Variants in UBE2E2 observed in about 807,000 individuals in gnomAD.
The protein encoded by UBE2E2 is ubiquitin-conjugating enzyme E2 E2.
A neutral mutation model predicts 24.7 loss-of-function variants in UBE2E2; 6 were observed. That is an observed-to-expected ratio of 0.24 (90% CI 0.13 to 0.48). UBE2E2 has a LOEUF of 0.48. Ranked by LOEUF, UBE2E2 falls within the 20% of genes least tolerant of loss-of-function variation. The pLI is 0.99. For missense variants in UBE2E2, 169 were observed against 245.0 expected (o/e 0.69, Z 2.07); for synonymous variants, 104 against 83.6 (o/e 1.24, Z -1.33).
intron 3 of UBE2E2, among the ~76,000 whole-genome samples, chr3:23,363,723 C>G (rs1559362405): frequency 6.6e-6 from 1 of 152,100 alleles, no homozygotes; most frequent in East Asian, 1.9e-4. Flanking sequence ...CCCACTGACA[C>G]TATTAGAAGA....
rs1697322225 is a variant in UBE2E2, at chr3:23,405,084, G to GA, written c.228-94519dup. ...CTGCTGCTGTAATCAGTGAATTTTTGAAAAATACAGCAACAGTTTGCTGTA... is the reference window on the plus strand; with the variant it reads ...CTGCTGCTGTAATCAGTGAATTTTTGAAAAAATACAGCAACAGTTTGCTGTA... On this transcript the variant is annotated intron_variant, in intron 3 of 5. Transcript: ENST00000396703. 2.0e-5 allele frequency among the ~76,000 whole-genome samples: 3 copies of GA among 152,190 alleles called. No individual in the cohort carries two copies. In the South Asian group the frequency reaches 6.2e-4, roughly 32 times the overall value.
rs1217349382 is a variant in UBE2E2, at chr3:23,400,370, A to G, written c.228-99238A>G. On this transcript the variant is annotated intron_variant, in intron 3 of 5. Coordinates refer to ENST00000396703, the MANE Select transcript of UBE2E2 (RefSeq NM_152653.4). ...TTCTGTTTTGAGTTGGGGTCTTTCT[A>G]TGTTGGTCAGGCTGCTCTTGAACTC... 4.6e-5 allele frequency among the ~76,000 whole-genome samples: 7 copies of G among 152,048 alleles called. No individual in the cohort carries two copies. The South Asian group carries it at 1.0e-3, about 23-fold the overall frequency.
chr3:23,497,534 T>C (rs946172421), intron 3 of UBE2E2, among the ~76,000 whole-genome samples: 1 of 152,204 alleles, frequency 6.6e-6, no homozygotes, highest in African/African-American at 2.4e-5. Flanking sequence ...TTTAATACTC[T>C]ATGTTTGTGT....
intron 3 of UBE2E2, among the ~76,000 whole-genome samples, chr3:23,389,115 G>C (rs931532963): frequency 2.0e-5 from 3 of 152,184 alleles, no homozygotes; most frequent in African/African-American, 7.2e-5. Flanking sequence ...GGCAGTGGCA[G>C]GACTGATATG....
In UBE2E2 at chr3:23,480,759, T is replaced by G. The variant is rs577237492; in HGVS notation, c.228-18849T>G. Among the ~76,000 whole-genome samples, 3 of 152,336 alleles carry G rather than the reference T, an allele frequency of 2.0e-5. No homozygotes were observed. The East Asian group carries it at 5.8e-4, about 29-fold the overall frequency. ...GATTTCTACCTTCCTAACTTTCCAG[T>G]AACTGAAGGGCATTGACAAAATGGT... On this transcript the variant is annotated intron_variant, in intron 3 of 5. Transcript: ENST00000396703.
chr3:23,529,659 GTTAA>G (rs980934432), intron 4 of UBE2E2, among the ~76,000 whole-genome samples: 16 of 151,986 alleles, frequency 1.1e-4, no homozygotes, highest in African/African-American at 2.9e-4. Flanking sequence ...TGTTTTGAGG[GTTAA>G]TTATCAATAT....
intron 3 of UBE2E2, among the ~76,000 whole-genome samples, chr3:23,350,968 G>A (rs906935182): frequency 6.6e-6 from 1 of 152,174 alleles, no homozygotes; most frequent in African/African-American, 2.4e-5. Context: ...AGGAAAAAAT[G>A]TTAAGGGCAG....
chr3:23,401,310 A>C (rs1697216070), intron 3 of UBE2E2, among the ~76,000 whole-genome samples: 1 of 152,230 alleles, frequency 6.6e-6, no homozygotes, highest in Non-Finnish European at 1.5e-5. Context: ...GGATGAAAAG[A>C]AAACAAGAAT....
At chr3:23,223,812 A>AT (rs561434430) in intron 3 of UBE2E2, among the ~76,000 whole-genome samples, 17 of 151,814 alleles carry the variant, frequency 1.1e-4, no homozygotes, top group African/African-American at 2.7e-4. Context: ...TTTTGGTTTG[A>AT]TTTTTTTTGT....
chr3:23,546,100 A>G (rs1259073976), intron 5 of UBE2E2, among the ~76,000 whole-genome samples: 2 of 152,220 alleles, frequency 1.3e-5, no homozygotes, highest in Non-Finnish European at 2.9e-5. Context: ...AGACTTTACC[A>G]CTATACAGTT....
intron 3 of UBE2E2, among the ~76,000 whole-genome samples, chr3:23,273,438 G>A (rs1174713005): frequency 4.0e-5 from 6 of 151,308 alleles, no homozygotes; most frequent in Admixed American, 3.9e-4. Flanking sequence ...GGCTGAGGCA[G>A]GAGAATGGTG....
intron 3 of UBE2E2, among the ~76,000 whole-genome samples, chr3:23,348,196 A>G (rs989367034): frequency 7.2e-5 from 11 of 152,188 alleles, no homozygotes; most frequent in African/African-American, 2.2e-4. Context: ...ACCAGTCACT[A>G]TGTTCAATTG....
intron 3 of UBE2E2, among the ~76,000 whole-genome samples, chr3:23,260,929 C>T (rs1167508346): frequency 1.3e-5 from 2 of 152,006 alleles, no homozygotes; most frequent in Non-Finnish European, 2.9e-5. Context: ...CGTGGCAAAA[C>T]GCTGTCTCTA....
intron 5 of UBE2E2, among the ~76,000 whole-genome samples, chr3:23,574,094 A>C (rs1322754394): frequency 6.6e-6 from 1 of 152,202 alleles, no homozygotes; most frequent in Non-Finnish European, 1.5e-5. Flanking sequence ...GCTGGAGGTC[A>C]TTATGTTAAG....
chr3:23,398,507 TGTG>T (rs768806790), intron 3 of UBE2E2, among the ~76,000 whole-genome samples: 28 of 152,080 alleles, frequency 1.8e-4, no homozygotes, highest in Admixed American at 1.0e-3. Flanking sequence ...AGTGATAACT[TGTG>T]GTGGGAAAAG....
chr3:23,226,142 G>C (rs1440033269), intron 3 of UBE2E2, among the ~76,000 whole-genome samples: 1 of 152,166 alleles, frequency 6.6e-6, no homozygotes, highest in Non-Finnish European at 1.5e-5. Flanking sequence ...GCCTCCTAAA[G>C]TGCTGGGTTT....
chr3:23,466,658 C>A (rs1428675033), intron 3 of UBE2E2, among the ~76,000 whole-genome samples: 2 of 152,126 alleles, frequency 1.3e-5, no homozygotes, highest in African/African-American at 4.8e-5. Flanking sequence ...ACCTCCGCCT[C>A]CTGGGTTCAA....
At chr3:23,475,691 C>A (rs1699117440) in intron 3 of UBE2E2, among the ~76,000 whole-genome samples, 1 of 152,012 alleles carries the variant, frequency 6.6e-6, no homozygotes, top group African/African-American at 2.4e-5. Flanking sequence ...TGGAAGCATA[C>A]TCTTGGGTGG....
chr3:23,215,118 T>C (rs1347217617), intron 2 of UBE2E2, among the ~76,000 whole-genome samples: 1 of 152,148 alleles, frequency 6.6e-6, no homozygotes, highest in African/African-American at 2.4e-5. Context: ...CTGTTTCTTA[T>C]TCCTATGAAT....
Sources: allele counts gnomAD v4.1 joint callset (sites outside exome capture counted in the v4.1 genomes callset), GRCh38; gene constraint gnomAD v4.1.1; transcripts MANE v1.5; gene names NCBI Gene and HGNC (gene_info 2026-07-23, HGNC 2026-07-21).